Variants in CMSS1 observed in about 807,000 individuals in gnomAD.
The protein encoded by CMSS1 is protein CMSS1.
CMSS1 carries 33 observed loss-of-function variants against 43.5 expected under a neutral mutation model. That is an observed-to-expected ratio of 0.76 (90% confidence interval 0.57 to 1.01). CMSS1 has a LOEUF of 1.01. Ranked by LOEUF, CMSS1 falls within the 50% of genes least tolerant of loss-of-function variation. The pLI is 0.00. For synonymous variants in CMSS1, 115 were observed against 117.2 expected (o/e 0.98, Z 0.12); for missense variants, 313 against 326.4 (o/e 0.96, Z 0.32).
intron 1 of CMSS1, among the ~76,000 whole-genome samples, chr3:99,896,038 A>G (rs967689493): frequency 6.6e-6 from 1 of 152,212 alleles, no homozygotes; most frequent in African/African-American, 2.4e-5. Flanking sequence ...CCATATTATA[A>G]AGCATGAGTC....
At chr3:99,866,693 G>A (rs912056144) in intron 1 of CMSS1, among the ~76,000 whole-genome samples, 14 of 152,150 alleles carry the variant, frequency 9.2e-5, no homozygotes, top group African/African-American at 3.4e-4. Context: ...TAAATCATGA[G>A]CCACAGTGAG....
intron 5 of CMSS1, 137 bp downstream of exon 5, chr3:100,166,531 T>C: frequency 1.6e-6 from 1 of 611,688 alleles, no homozygotes; most frequent in Non-Finnish European, 2.9e-6. Context: ...AATGGTGTTC[T>C]AGTCCCAGGT....
intron 1 of CMSS1, among the ~76,000 whole-genome samples, chr3:100,000,926 C>G (rs146593766): frequency 2.6e-5 from 4 of 152,150 alleles, no homozygotes; most frequent in Admixed American, 2.0e-4. Flanking sequence ...TACGGCAAGA[C>G]ACTTGTAAGA....
chr3:99,911,107 C>T (rs1706773112), intron 1 of CMSS1, among the ~76,000 whole-genome samples: 1 of 152,086 alleles, frequency 6.6e-6, no homozygotes, highest in African/African-American at 2.4e-5. Context: ...TAGCGCATTA[C>T]ACACCCACAT....
At chr3:99,929,989 A>AT (rs1369902264) in intron 1 of CMSS1, 1 of 1,613,660 alleles carries the variant, frequency 6.2e-7, no homozygotes, top group Non-Finnish European at 8.5e-7. Context: ...AGCCAGGTCC[A>AT]TTTTTTCAGC....
intron 1 of CMSS1, among the ~76,000 whole-genome samples, chr3:99,959,835 A>G (rs1052899540): frequency 6.6e-6 from 1 of 152,182 alleles, no homozygotes; most frequent in Non-Finnish European, 1.5e-5. Flanking sequence ...ACCCAACAGT[A>G]AGATTATGAG....
At chr3:100,033,199 A>C in intron 1 of CMSS1, among the ~76,000 whole-genome samples, 1 of 152,226 alleles carries the variant, frequency 6.6e-6, no homozygotes, top group East Asian at 1.9e-4. Flanking sequence ...AGAAAAAATC[A>C]AACTAATTGT....
chr3:99,984,115 A>G (rs578240702), intron 1 of CMSS1, among the ~76,000 whole-genome samples: 2 of 150,244 alleles, frequency 1.3e-5, no homozygotes, highest in East Asian at 2.0e-4. Context: ...GTGCTCAGGT[A>G]TGAAATAATT....
chr3:99,966,254 A>G (rs887638541), intron 1 of CMSS1, among the ~76,000 whole-genome samples: 2 of 152,142 alleles, frequency 1.3e-5, no homozygotes, highest in Non-Finnish European at 2.9e-5. Context: ...GGAGCTTGTC[A>G]TGGCTGGAAG....
At chr3:100,171,590 G>C (rs1456710406) in intron 6 of CMSS1, among the ~76,000 whole-genome samples, 3 of 152,202 alleles carry the variant, frequency 2.0e-5, no homozygotes, top group African/African-American at 7.2e-5. Flanking sequence ...AATCAAGGAA[G>C]CCTAAGTAAG....
At chr3:100,002,139 A>C (rs548740480) in intron 1 of CMSS1, among the ~76,000 whole-genome samples, 2 of 152,330 alleles carry the variant, frequency 1.3e-5, no homozygotes, top group African/African-American at 4.8e-5. Flanking sequence ...CCTCCTGTAC[A>C]GACCTGTGTC....
At chr3:99,826,283 T>G (rs1256019040) in intron 1 of CMSS1, among the ~76,000 whole-genome samples, 1 of 152,212 alleles carries the variant, frequency 6.6e-6, no homozygotes, top group African/African-American at 2.4e-5. Context: ...AAATTCCTAT[T>G]TCTGAGTTCC....
intron 1 of CMSS1, among the ~76,000 whole-genome samples, chr3:100,112,251 C>T (rs2066504586): frequency 6.6e-6 from 1 of 152,116 alleles, no homozygotes; most frequent in African/African-American, 2.4e-5. Flanking sequence ...GCGGGTATTA[C>T]ATTGGTAATG....
chr3:99,958,025 A>G (rs1708383537), intron 1 of CMSS1, among the ~76,000 whole-genome samples: 1 of 148,800 alleles, frequency 6.7e-6, no homozygotes, highest in South Asian at 2.1e-4. Context: ...TCATATGTTT[A>G]TATAAAGGCT....
intron 1 of CMSS1, among the ~76,000 whole-genome samples, chr3:100,127,549 T>C (rs1398209608): frequency 6.6e-6 from 1 of 152,132 alleles, no homozygotes; most frequent in Non-Finnish European, 1.5e-5. Flanking sequence ...ATCTAGGAGA[T>C]TTGGTGAGGA....
intron 1 of CMSS1, among the ~76,000 whole-genome samples, chr3:99,845,935 C>T (rs1290313575): frequency 6.6e-6 from 1 of 152,118 alleles, no homozygotes; most frequent in Non-Finnish European, 1.5e-5. Flanking sequence ...ACTTAGGAAG[C>T]CTCTATATAG....
At chr3:100,136,907 C>A (rs1234422770) in intron 1 of CMSS1, among the ~76,000 whole-genome samples, 2 of 152,226 alleles carry the variant, frequency 1.3e-5, no homozygotes, top group Non-Finnish European at 2.9e-5. Context: ...CACTACACAA[C>A]CTCTGTGAGT....
chr3:99,969,665 G>A (rs1708757413), intron 1 of CMSS1, among the ~76,000 whole-genome samples: 1 of 152,254 alleles, frequency 6.6e-6, no homozygotes, highest in African/African-American at 2.4e-5. Flanking sequence ...CGGGGAGCCT[G>A]GAAGGATCAG....
At chr3:100,005,475 A>G (rs1257405013) in intron 1 of CMSS1, among the ~76,000 whole-genome samples, 1 of 152,228 alleles carries the variant, frequency 6.6e-6, no homozygotes, top group Non-Finnish European at 1.5e-5. Context: ...ATATGAATCT[A>G]TATTTATAGC....
Sources: allele counts gnomAD v4.1 joint callset (sites outside exome capture counted in the v4.1 genomes callset), GRCh38; gene constraint gnomAD v4.1.1; transcripts MANE v1.5; gene names NCBI Gene and HGNC (gene_info 2026-07-23, HGNC 2026-07-21).